The following SLCO1B1 variants were observed in gnomAD, a reference collection of about 807,000 sequenced individuals.
The protein encoded by SLCO1B1 is OATP-2.
Under a neutral mutation model 70.1 loss-of-function variants are expected in SLCO1B1, and 81 were observed. The ratio of observed to expected loss-of-function variants is 1.16; its 90% CI spans 0.97 to 1.39. The LOEUF is 1.39. Among genes scored for constraint, SLCO1B1 ranks in the 40% most tolerant of loss-of-function variants. The pLI is 0.00. For synonymous variants in SLCO1B1, 283 were observed against 271.5 expected (o/e 1.04, Z -0.42); for missense variants, 895 against 799.6 (o/e 1.12, Z -1.44).
At chr12:21,188,796 C>T (rs773842799) in intron 7 of SLCO1B1, among the ~76,000 whole-genome samples, 1 of 152,138 alleles carries the variant, frequency 6.6e-6, no homozygotes, top group Non-Finnish European at 1.5e-5. Flanking sequence ...TAATCACTGG[C>T]AATAACCATT....
chr12:21,229,390 A>T (rs76002350), intron 14 of SLCO1B1, among the ~76,000 whole-genome samples: 370 of 152,252 alleles, frequency 2.4e-3, no homozygotes, highest in African/African-American at 8.1e-3. Context: ...TGCTCTGCCT[A>T]TTCATTCCTT....
intron 14 of SLCO1B1, among the ~76,000 whole-genome samples, chr12:21,230,986 C>T (rs538181257): frequency 1.0e-4 from 12 of 115,446 alleles, no homozygotes; most frequent in South Asian, 3.5e-4. Flanking sequence ...CCCCACCCCA[C>T]GACAGGCCCC....
chr12:21,218,064 C>T (rs1007734365), intron 12 of SLCO1B1, among the ~76,000 whole-genome samples: 1 of 152,054 alleles, frequency 6.6e-6, no homozygotes, highest in Non-Finnish European at 1.5e-5. Context: ...GAAGAGGATT[C>T]AGAGTACATC....
intron 8 of SLCO1B1, among the ~76,000 whole-genome samples, chr12:21,199,458 T>G (rs1288436515): frequency 2.0e-5 from 3 of 152,196 alleles, no homozygotes; most frequent in African/African-American, 7.2e-5. Flanking sequence ...ATTATTACTA[T>G]TATAATACTA....
intron 2 of SLCO1B1, among the ~76,000 whole-genome samples, chr12:21,162,620 G>A (rs1194816527): frequency 3.3e-5 from 5 of 152,114 alleles, no homozygotes; most frequent in African/African-American, 1.2e-4. Context: ...CGTAATAAGG[G>A]TTTGGCTCAA....
At chr12:21,230,456 G>A (rs1016504009) in intron 14 of SLCO1B1, among the ~76,000 whole-genome samples, 4 of 148,676 alleles carry the variant, frequency 2.7e-5, no homozygotes, top group East Asian at 2.0e-4. Context: ...TCAGCCTCCC[G>A]AGTAGCTGGG....
intron 7 of SLCO1B1, among the ~76,000 whole-genome samples, chr12:21,184,505 C>G (rs533641756): frequency 4.7e-4 from 72 of 152,176 alleles, no homozygotes; most frequent in African/African-American, 1.7e-3. Context: ...AATTTAATAT[C>G]CCACCAAATT....
chr12:21,143,714 GC>G (rs1195505425), intron 2 of SLCO1B1, among the ~76,000 whole-genome samples: 9 of 151,978 alleles, frequency 5.9e-5, no homozygotes, highest in Admixed American at 5.3e-4. Context: ...ATTCCATATT[GC>G]TAAAATAAAT....
chr12:21,151,581 C>G (rs920596243), intron 2 of SLCO1B1, among the ~76,000 whole-genome samples: 1 of 151,992 alleles, frequency 6.6e-6, no homozygotes, highest in African/African-American at 2.4e-5. Context: ...ATATTTTATG[C>G]TCACTTATTT....
chr12:21,143,773 C>G (rs10743408), intron 2 of SLCO1B1, among the ~76,000 whole-genome samples: 124,657 of 151,946 alleles, frequency 0.82, 53,565 homozygotes, highest in South Asian at 0.96. Flanking sequence ...GGCAAGCAGG[C>G]TTTTATAAGT....
chr12:21,222,346 A>C lies in SLCO1B1; in HGVS notation c.1729A>C (p.Met577Leu), dbSNP rs371102023. 1.4e-5 allele frequency: 11 copies of C among 814,798 alleles called. No homozygotes were observed. The East Asian group carries it at 4.5e-4, about 33-fold the overall frequency. The allele number at this position is 814,798 out of a possible 1,614,324, so 50.5% of individuals were successfully genotyped here. A position where few individuals can be genotyped will look rare whatever the true frequency, so the allele number is the denominator to read the frequency against. ...LKSLALGFHSMVIRALGGILA... is the reference protein window; with the variant it reads ...LKSLALGFHSLVIRALGGILA... ...ATCACTTGCACTGGGTTTCCACTCA[A>C]TGGTTATACGAGCACTAGGTATGAT... Residue 577 changes from methionine to leucine, a missense_variant, in exon 13 of 15, where the codon ATG (methionine) becomes CTG (leucine). Met to Leu is a conservative substitution (Grantham distance 15). Coordinates refer to ENST00000256958, the MANE Select transcript of SLCO1B1 (RefSeq NM_006446.5).
rs186928839 is a variant in SLCO1B1, at chr12:21,171,204, C to T, written c.85-1446C>T. On this transcript the variant is annotated intron_variant, in intron 2 of 14. Transcript: ENST00000256958. ...TGTGAAGGAATGAATGATAGAAATACGACTATGGGGAAGAGCCTTTCATGT... is the reference window on the plus strand; with the variant it reads ...TGTGAAGGAATGAATGATAGAAATATGACTATGGGGAAGAGCCTTTCATGT... 7.2e-5 allele frequency among the ~76,000 whole-genome samples: 11 copies of T among 152,202 alleles called. No individual in the cohort carries two copies. In the East Asian group the frequency reaches 9.7e-4, roughly 13 times the overall value.
intron 10 of SLCO1B1, among the ~76,000 whole-genome samples, chr12:21,205,546 T>C (rs554769025): frequency 7.2e-5 from 11 of 152,030 alleles, no homozygotes; most frequent in Non-Finnish European, 1.5e-4. Context: ...ATGTAACTTA[T>C]CTAATGTGAA....
At chr12:21,180,969 T>C (rs1049140397) in intron 7 of SLCO1B1, among the ~76,000 whole-genome samples, 10 of 152,202 alleles carry the variant, frequency 6.6e-5, no homozygotes, top group Non-Finnish European at 1.2e-4. Context: ...ACTTACAAAG[T>C]ATACTTTGGC....
chr12:21,210,158 G>A (rs1941264256), intron 11 of SLCO1B1, among the ~76,000 whole-genome samples: 1 of 145,968 alleles, frequency 6.9e-6, no homozygotes, highest in South Asian at 2.2e-4. Flanking sequence ...GAATGGTAAT[G>A]CCTAGGTTTT....
intron 2 of SLCO1B1, among the ~76,000 whole-genome samples, chr12:21,157,759 G>A (rs185493118): frequency 5.9e-5 from 9 of 151,856 alleles, no homozygotes; most frequent in Admixed American, 3.3e-4. Context: ...CCACCACCAC[G>A]CCCACTAATT....
chr12:21,208,650 A>G (rs11045862), intron 11 of SLCO1B1, among the ~76,000 whole-genome samples: 18,760 of 152,106 alleles, frequency 0.12, 1,595 homozygotes, highest in Non-Finnish European at 0.18. Context: ...GTTTTATTCT[A>G]ATTCAGTGAA....
At chr12:21,215,040 G>T (rs546856299) in intron 11 of SLCO1B1, among the ~76,000 whole-genome samples, 125 of 152,308 alleles carry the variant, frequency 8.2e-4, no homozygotes, top group African/African-American at 2.9e-3. Flanking sequence ...CGCTCACGCT[G>T]GGAGCTGTAG....
intron 2 of SLCO1B1, among the ~76,000 whole-genome samples, chr12:21,143,337 C>T (rs11045786): frequency 0.13 from 19,796 of 151,862 alleles, 1,789 homozygotes; most frequent in Middle Eastern, 0.23. Context: ...CATCTAATTT[C>T]TTAATTTTCT....
Sources: gnomAD v4.1 joint callset for allele counts (sites outside exome capture counted in the v4.1 genomes callset) on GRCh38, gnomAD v4.1.1 for gene constraint, MANE v1.5 for transcripts, NCBI Gene and HGNC (gene_info 2026-07-23, HGNC 2026-07-21) for gene names.